The following RANGAP1 variants were observed in gnomAD, a reference collection of about 807,000 sequenced individuals.
RANGAP1 encodes the protein ran GTPase-activating protein 1.
Under a neutral mutation model 63.5 loss-of-function variants are expected in RANGAP1, and 38 were observed. The ratio of observed to expected loss-of-function variants is 0.60; its 90% CI spans 0.46 to 0.78. RANGAP1 has a LOEUF of 0.78. Among genes scored for constraint, RANGAP1 ranks in the 30% least tolerant of loss-of-function variants. RANGAP1 has a pLI of 0.00. For synonymous variants in RANGAP1, 329 were observed against 310.5 expected, an observed-to-expected ratio of 1.06 and a Z score of -0.63; for missense variants, 630 against 740.3, an observed-to-expected ratio of 0.85 and a Z score of 1.73.
intron 2 of RANGAP1, among the ~76,000 whole-genome samples, chr22:41,275,032 T>C (rs552649761): frequency 2.0e-5 from 3 of 152,070 alleles, no homozygotes; most frequent in Admixed American, 2.0e-4. Context: ...CCTCCAAAGA[T>C]GGGCAGTGTA....
chr22:41,249,146 C>T (rs1905637177), intron 15 of RANGAP1, among the ~76,000 whole-genome samples, 184 bp downstream of exon 15: 1 of 152,210 alleles, frequency 6.6e-6, no homozygotes, highest in South Asian at 2.1e-4. Flanking sequence ...GTGGGCCTCC[C>T]AAGGGTGGTG....
chr22:41,248,877 G>A (rs2033234680), intron 15 of RANGAP1, among the ~76,000 whole-genome samples: 1 of 152,234 alleles, frequency 6.6e-6, no homozygotes, highest in Non-Finnish European at 1.5e-5. Context: ...GAGGGCCCGG[G>A]GCTGCAGAGC....
chr22:41,252,498 T>C (rs9611528), intron 12 of RANGAP1, among the ~76,000 whole-genome samples: 50,799 of 151,812 alleles, frequency 0.33, 9,076 homozygotes, highest in Admixed American at 0.52. Context: ...CATCCTGCAA[T>C]AGGCACGTCA....
upstream of RANGAP1, among the ~76,000 whole-genome samples, chr22:41,290,711 T>G (rs1050976811): frequency 6.6e-6 from 1 of 152,200 alleles, no homozygotes; most frequent in Non-Finnish European, 1.5e-5. Context: ...TTTACTTAAC[T>G]GAGTGTTTTA....
rs113298466 is a variant in RANGAP1 at position 41,250,939 on chromosome 22, G to A, written c.1483+68C>T. On this transcript the variant is annotated intron_variant, in intron 13 of 15. Coordinates refer to ENST00000356244, the MANE Select transcript of RANGAP1 (RefSeq NM_002883.4). The stretch of plus-strand genomic sequence containing the variant: ...GGGGCTGACGAGTTACGGCAACCAC[G>A]AAGGATACCTGGGGCCCACGAGCAT... 487 of 1,346,916 alleles carry A rather than the reference G, an allele frequency of 3.6e-4. 10 individuals carry two copies. The African/African-American group carries it at 5.6e-3, about 15-fold the overall frequency. The allele number at this position is 1,346,916 out of a possible 1,614,324, so 83.4% of individuals were successfully genotyped here. A position where few individuals can be genotyped will look rare whatever the true frequency, so the allele number is the denominator to read the frequency against.
chr22:41,285,565 GC>G, intron 1 of RANGAP1: 1 of 985,460 alleles, frequency 1.0e-6, no homozygotes, highest in Non-Finnish European at 1.2e-6. Context: ...GGACAGCGGC[GC>G]CAGCCCGGGG....
chr22:41,299,994 G>T, the RANGAP1 span, among the ~76,000 whole-genome samples: 1 of 150,978 alleles, frequency 6.6e-6, no homozygotes, highest in Admixed American at 6.6e-5. Context: ...CTCATGATCC[G>T]CCCGCCTCAA....
At chr22:41,254,542 G>A in intron 10 of RANGAP1, 48 bp from the exon 11 acceptor site, 3 of 1,533,572 alleles carry the variant, frequency 2.0e-6, no homozygotes, top group East Asian at 2.3e-5. Flanking sequence ...CAGCAGCCCA[G>A]GTTGGCTCTA....
At chr22:41,262,130 A>G (rs1239479259) in intron 5 of RANGAP1, among the ~76,000 whole-genome samples, 1 of 152,170 alleles carries the variant, frequency 6.6e-6, no homozygotes, top group Non-Finnish European at 1.5e-5. Context: ...CCTGTCTGAC[A>G]CCTGCCTGTG....
chr22:41,247,229 G>A lies in RANGAP1; in HGVS notation c.1695-557C>T, dbSNP rs371389379. ...CACCACCATGCCCAGCTAATTTTTT[G>A]TATTTTTAGTAGAGACAGGGTTTCA... On this transcript the variant is annotated intron_variant, in intron 15 of 15. Transcript: ENST00000356244. Among the ~76,000 whole-genome samples, 174 of 152,060 alleles carry A rather than the reference G, an allele frequency of 1.1e-3. 2 individuals carry two copies. Among genetic ancestry groups the A allele is most frequent in the African/African-American group, 3.9e-3 (162 of 41,502 alleles).
At chr22:41,288,882 C>A (rs1030562507), upstream of RANGAP1, among the ~76,000 whole-genome samples, 2 of 151,562 alleles carry the variant, frequency 1.3e-5, no homozygotes, top group Non-Finnish European at 2.9e-5. Flanking sequence ...CCTGACAGCA[C>A]CCCCTAGCAA....
chr22:41,269,852 G>A (rs2034693825), intron 3 of RANGAP1, among the ~76,000 whole-genome samples: 1 of 151,868 alleles, frequency 6.6e-6, no homozygotes, highest in Non-Finnish European at 1.5e-5. Flanking sequence ...TTATTTTTGA[G>A]ACAGAGTCTC....
At chr22:41,264,553 G>C (rs1233762709) in intron 5 of RANGAP1, 111 bp downstream of exon 5, 11 of 1,342,694 alleles carry the variant, frequency 8.2e-6, no homozygotes, top group Non-Finnish European at 9.9e-6. Flanking sequence ...TTTCTCTTTT[G>C]AAAACAACGG....
At chr22:41,274,156 T>G (rs1318651128) in intron 3 of RANGAP1, among the ~76,000 whole-genome samples, 1 of 151,590 alleles carries the variant, frequency 6.6e-6, no homozygotes, top group Non-Finnish European at 1.5e-5. Flanking sequence ...CACCTTCCTA[T>G]TGCTGCGGCA....
the RANGAP1 span, chr22:41,301,646 G>A: frequency 6.6e-6 from 1 of 152,214 alleles, no homozygotes; most frequent in African/African-American, 2.4e-5. Context: ...AGCAGGATGC[G>A]GCCGCCCGTA....
At chr22:41,300,183 C>T in the RANGAP1 span, among the ~76,000 whole-genome samples, 1 of 151,898 alleles carries the variant, frequency 6.6e-6, no homozygotes, top group Non-Finnish European at 1.5e-5. Flanking sequence ...AGGCTGGTGT[C>T]CTGCTGAATC....
chr22:41,251,091 C>A lies in RANGAP1; in HGVS notation c.1399G>T (p.Glu467Ter). ...TTTAGGAAGGCAGAGACCACCTTCT[C>A]GGGGTCAGACGTGTCAGTCTGAGGA... ...IAQQTDTSDPEKVVSAFLKVS... is the reference protein window; with the variant it reads ...IAQQTDTSDP Residue 467 changes from glutamate (E) to a stop codon, truncating the protein, a stop_gained, in exon 13 of 16, where the codon GAG becomes TAG. Coordinates refer to ENST00000356244, the MANE Select transcript of RANGAP1 (RefSeq NM_002883.4). LOFTEE classifies it high-confidence loss of function. The A allele has an allele frequency of 6.2e-7, 1 of 1,613,994 alleles. No homozygotes were observed. Among genetic ancestry groups the A allele is most frequent in the Non-Finnish European group, 8.5e-7 (1 of 1,179,980 alleles).
At chr22:41,268,544 C>T (rs1031823773) in intron 3 of RANGAP1, among the ~76,000 whole-genome samples, 4 of 151,924 alleles carry the variant, frequency 2.6e-5, no homozygotes, top group East Asian at 2.0e-4. Context: ...CATGAGCCAC[C>T]GCACCTGGCC....
chr22:41,269,947 C>T (rs1279086440), intron 3 of RANGAP1, among the ~76,000 whole-genome samples: 1 of 151,892 alleles, frequency 6.6e-6, no homozygotes, highest in Non-Finnish European at 1.5e-5. Flanking sequence ...GAGTCTCCTG[C>T]CTCAGTCTCC....
Sources: gnomAD v4.1 joint callset for allele counts (sites outside exome capture counted in the v4.1 genomes callset) on GRCh38, gnomAD v4.1.1 for gene constraint, MANE v1.5 for transcripts, NCBI Gene and HGNC (gene_info 2026-07-23, HGNC 2026-07-21) for gene names.